The following LPP variants were observed in gnomAD, a reference collection of about 807,000 sequenced individuals.
LPP encodes lipoma-preferred partner.
A neutral mutation model predicts 60.4 loss-of-function variants in LPP; 38 were observed. That is an observed-to-expected ratio of 0.63 (90% CI 0.49 to 0.83). LPP has a LOEUF of 0.83. LPP is among the 40% of genes least tolerant of loss of function. LPP has a pLI of 0.00. For missense variants in LPP, 902 were observed against 783.6 expected, an observed-to-expected ratio of 1.15 and a Z score of -1.80; for synonymous variants, 328 against 290.8, an observed-to-expected ratio of 1.13 and a Z score of -1.30.
chr3:188,664,856 T>C (rs891997125), intron 7 of LPP, among the ~76,000 whole-genome samples: 4 of 152,152 alleles, frequency 2.6e-5, no homozygotes, highest in African/African-American at 9.7e-5. Flanking sequence ...GTGTAGCCAG[T>C]TGTTTTTCTA....
At chr3:188,757,439 T>C (rs569339916) in intron 8 of LPP, among the ~76,000 whole-genome samples, 42 of 152,336 alleles carry the variant, frequency 2.8e-4, no homozygotes, top group African/African-American at 8.4e-4. Flanking sequence ...CCATAAGCCA[T>C]GTAGGCTCAG....
intron 7 of LPP, among the ~76,000 whole-genome samples, chr3:188,630,479 G>A (rs1040791300): frequency 6.6e-6 from 1 of 152,144 alleles, no homozygotes; most frequent in African/African-American, 2.4e-5. Flanking sequence ...TGTTGGCAAG[G>A]TTGTGGTGAA....
intron 5 of LPP, among the ~76,000 whole-genome samples, chr3:188,493,565 AC>A (rs1284309997): frequency 1.3e-5 from 2 of 151,904 alleles, no homozygotes; most frequent in African/African-American, 4.8e-5. Context: ...AGTAGCTGGG[AC>A]TAAAGGTGTG....
In LPP at chr3:188,881,139, CAAAAAAAA is replaced by C. The variant is rs11328247; in HGVS notation, c.*6672_*6679del. 1 of 72,388 alleles carries C rather than the reference CAAAAAAAA, an allele frequency of 1.4e-5. No homozygotes were observed. Among genetic ancestry groups the C allele is most frequent in the African/African-American group, 4.4e-5 (1 of 22,700 alleles). 4.5% of individuals were successfully genotyped at this position (72,388 alleles called of 1,614,324 possible). A position where few individuals can be genotyped will look rare whatever the true frequency, so the allele number is the denominator to read the frequency against. ...TGGGCGAAAGAGCGAGACTCCGTCTCAAAAAAAAAAAAAAAAAAATAGGATCATGGCCC... is the reference window on the plus strand; with the variant it reads ...TGGGCGAAAGAGCGAGACTCCGTCTCAAAAAAAAAAATAGGATCATGGCCC... On this transcript the variant is annotated 3_prime_UTR_variant, in exon 12 of 12. Coordinates refer to ENST00000617246, the MANE Select transcript of LPP (RefSeq NM_001375462.1).
Position 188,890,397 on chromosome 3 carries a change from C to A in LPP, c.*15918C>A, listed in dbSNP as rs1478861858. The A allele has an allele frequency of 9.9e-6, 2 of 202,292 alleles. No individual in the cohort carries two copies. Among genetic ancestry groups the A allele is most frequent in the Non-Finnish European group, 2.0e-5 (2 of 98,494 alleles). 12.5% of individuals were successfully genotyped at this position (202,292 alleles called of 1,614,324 possible). A position where few individuals can be genotyped will look rare whatever the true frequency, so the allele number is the denominator to read the frequency against. On this transcript the variant is annotated 3_prime_UTR_variant, in exon 12 of 12. Transcript: ENST00000617246. ...TTATTCACTACATTACAAACCATCA[C>A]TGATGTATCCAAAATAGCACACATA...
At chr3:188,177,124 T>C (rs191944380) in intron 1 of LPP, among the ~76,000 whole-genome samples, 5 of 152,312 alleles carry the variant, frequency 3.3e-5, no homozygotes, top group Admixed American at 3.3e-4. Context: ...TAGAAAGAGC[T>C]AGGCAGTATG....
At chr3:188,825,269 CTGTGTGTGTGTGTGTGTG>C (rs3057956) in intron 9 of LPP, among the ~76,000 whole-genome samples, 11 of 101,756 alleles carry the variant, frequency 1.1e-4, no homozygotes, top group African/African-American at 2.4e-4. Context: ...CTCTCTCTCT[CTGTGTGTGTGTGTGTGTG>C]TGTGTGTGTG....
chr3:188,515,295 T>A (rs1817034336), intron 5 of LPP, among the ~76,000 whole-genome samples: 1 of 152,112 alleles, frequency 6.6e-6, no homozygotes, highest in African/African-American at 2.4e-5. Context: ...CCCCAAGCCT[T>A]GTTCCTCCTC....
intron 7 of LPP, among the ~76,000 whole-genome samples, chr3:188,664,205 T>A (rs1473481026): frequency 6.6e-6 from 1 of 152,228 alleles, no homozygotes; most frequent in Non-Finnish European, 1.5e-5. Context: ...CTATTACCAT[T>A]TATTGTATAT....
chr3:188,789,654 T>C (rs1445807074), intron 9 of LPP, among the ~76,000 whole-genome samples: 1 of 150,348 alleles, frequency 6.7e-6, no homozygotes, highest in Non-Finnish European at 1.5e-5. Context: ...ACCAGCTCAC[T>C]TACTTATTCA....
At chr3:188,675,375 A>G (rs1002294247) in intron 7 of LPP, among the ~76,000 whole-genome samples, 1 of 152,258 alleles carries the variant, frequency 6.6e-6, no homozygotes, top group Non-Finnish European at 1.5e-5. Context: ...ACTGCTCAAC[A>G]AGTAGACCAA....
chr3:188,675,948 T>C (rs937963064), intron 7 of LPP, among the ~76,000 whole-genome samples: 4 of 152,174 alleles, frequency 2.6e-5, no homozygotes, highest in South Asian at 2.1e-4. Flanking sequence ...ATTGGAATTC[T>C]GTTTTAAGTT....
chr3:188,615,692 A>G (rs1844707362), intron 7 of LPP, among the ~76,000 whole-genome samples: 1 of 152,144 alleles, frequency 6.6e-6, no homozygotes, highest in Non-Finnish European at 1.5e-5. Context: ...GATGCATTTA[A>G]CCTGCTAGAT....
At chr3:188,568,880 C>T (rs1580044677) in intron 6 of LPP, among the ~76,000 whole-genome samples, 2 of 151,946 alleles carry the variant, frequency 1.3e-5, no homozygotes, top group East Asian at 3.9e-4. Flanking sequence ...ACAGTGGCTG[C>T]AGGGCCTGAA....
At position 188,887,494 on chromosome 3, in the gene LPP, CAT is replaced by C. The variant is rs1312297145; in HGVS notation, c.*13016_*13017del. On this transcript the variant is annotated 3_prime_UTR_variant, in exon 12 of 12. Coordinates refer to ENST00000617246, the MANE Select transcript of LPP (RefSeq NM_001375462.1). ...TAAATGCCAACGACAGGAATGGCCTCATGTTTTAACTTTCAAATAATAAATGG... is the reference window on the plus strand; with the variant it reads ...TAAATGCCAACGACAGGAATGGCCTCGTTTTAACTTTCAAATAATAAATGG... 9.2e-6 allele frequency: 2 copies of C among 216,846 alleles called. No individual in the cohort carries two copies. The highest frequency in any genetic ancestry group is 5.8e-5 in the Admixed American group (1 of 17,202). 13.4% of individuals were successfully genotyped at this position (216,846 alleles called of 1,614,324 possible).
At chr3:188,207,957 A>G (rs1278584168) in intron 1 of LPP, among the ~76,000 whole-genome samples, 2 of 152,152 alleles carry the variant, frequency 1.3e-5, no homozygotes. Flanking sequence ...AGTTGTTTGT[A>G]TCTCACAGCT....
At chr3:188,409,369 T>C (rs868388534) in intron 4 of LPP, among the ~76,000 whole-genome samples, 4 of 152,320 alleles carry the variant, frequency 2.6e-5, no homozygotes, top group Middle Eastern at 3.4e-3. Context: ...ATTCAGACTT[T>C]TTAAAATAGA....
At chr3:188,560,294 C>G (rs967235084) in intron 6 of LPP, among the ~76,000 whole-genome samples, 2 of 152,060 alleles carry the variant, frequency 1.3e-5, no homozygotes, top group African/African-American at 2.4e-5. Flanking sequence ...AAGGAGTCGT[C>G]TATGCACAGA....
chr3:188,748,268 C>CACAT (rs1726937119), intron 8 of LPP, among the ~76,000 whole-genome samples: 1 of 152,028 alleles, frequency 6.6e-6, no homozygotes. Flanking sequence ...TACATATATA[C>CACAT]ACATACATAC....
Sources: allele counts gnomAD v4.1 joint callset (sites outside exome capture counted in the v4.1 genomes callset), GRCh38; gene constraint gnomAD v4.1.1; transcripts MANE v1.5; gene names NCBI Gene and HGNC (gene_info 2026-07-23, HGNC 2026-07-21).